The following IL18R1 variants were observed in gnomAD, a reference collection of about 807,000 sequenced individuals.
IL18R1 encodes the protein interleukin-18 receptor 1.
Under a neutral mutation model 48.5 loss-of-function variants are expected in IL18R1, and 40 were observed. The observed-to-expected ratio is 0.82, with a 90% CI of 0.64 to 1.07. The LOEUF (loss-of-function observed/expected upper bound fraction) is 1.07. Among genes scored for constraint, IL18R1 ranks in the 50% least tolerant of loss-of-function variants. The pLI is 0.00. For missense variants in IL18R1, 596 were observed against 633.7 expected (o/e 0.94, Z 0.64); for synonymous variants, 232 against 225.9 (o/e 1.03, Z -0.24).
chr2:102,377,175 A>G (rs1679638499), intron 5 of IL18R1, among the ~76,000 whole-genome samples: 1 of 152,152 alleles, frequency 6.6e-6, no homozygotes, highest in Admixed American at 6.5e-5. Flanking sequence ...CTTCACTACA[A>G]CCATATAGCT....
rs757487327 is a variant in IL18R1, at chr2:102,386,990, G to C, written c.939G>C (p.Leu313Phe). ...GCACAGACACCAAAAGCTTCATCTT[G>C]GTGAGAAAAGGTGAGAAAGATTTAT... The part of the protein sequence containing the change: ...TGGTDTKSFI[L>F]VRKADMADIP... The change falls in exon 8 of 11, where the codon TTG becomes TTC. Residue 313 changes from leucine to phenylalanine, a missense_variant. Around this residue, in one of 3 missense-constraint regions of IL18R1, gnomAD observed 57 missense variants for 88.2 expected, o/e 0.65. Coordinates refer to ENST00000233957, the MANE Select transcript of IL18R1 (RefSeq NM_003855.5). 6.2e-7 allele frequency: 1 copy of C among 1,609,644 alleles called. No individual in the cohort carries two copies. The highest frequency in any genetic ancestry group is 2.2e-5 in the East Asian group (1 of 44,834).
At position 102,356,256 on chromosome 2, in the gene IL18R1, A is replaced by C. The variant is rs1573172805; in HGVS notation, c.-173A>C. 1.4e-6 allele frequency: 1 copy of C among 716,226 alleles called. No homozygotes were observed. The allele number at this position is 716,226 out of a possible 1,614,324, so 44.4% of individuals were successfully genotyped here. A position where few individuals can be genotyped will look rare whatever the true frequency, so the allele number is the denominator to read the frequency against. ...CTCTGGGTGCCTTATCTCTTTAATC[A>C]CACCTCTCTTTCACTTTCCACGGTA... On this transcript the variant is annotated 5_prime_UTR_variant, in exon 1 of 11. Transcript: ENST00000233957.
chr2:102,380,358 C>T (rs941662837), intron 5 of IL18R1, among the ~76,000 whole-genome samples: 6 of 152,158 alleles, frequency 3.9e-5, no homozygotes, highest in Non-Finnish European at 8.8e-5. Context: ...ATGTAAGTTT[C>T]TGGGGGAAAA....
chr2:102,390,255 C>T, intron 9 of IL18R1, 38 bp downstream of exon 9: 1 of 1,563,986 alleles, frequency 6.4e-7, no homozygotes, highest in Non-Finnish European at 8.8e-7. Context: ...ACCTTATGTT[C>T]TCATTAAGAA....
chr2:102,359,563 T>C (rs1331299281), intron 1 of IL18R1, among the ~76,000 whole-genome samples: 1 of 152,228 alleles, frequency 6.6e-6, no homozygotes, highest in Non-Finnish European at 1.5e-5. Flanking sequence ...TGATTAATAT[T>C]TGCCTCATTT....
intron 3 of IL18R1, among the ~76,000 whole-genome samples, chr2:102,368,435 T>A (rs934284033): frequency 2.0e-5 from 3 of 152,142 alleles, no homozygotes; most frequent in Non-Finnish European, 4.4e-5. Flanking sequence ...GTGTTGCGAA[T>A]GGGGCAGTGT....
chr2:102,397,566 C>T lies in IL18R1; in HGVS notation c.*680C>T, dbSNP rs942287312. 4 of 152,370 alleles carry T rather than the reference C, an allele frequency of 2.6e-5. No individual in the cohort carries two copies. Among genetic ancestry groups the T allele is most frequent in the African/African-American group, 9.6e-5 (4 of 41,454 alleles). 9.4% of individuals were successfully genotyped at this position (152,370 alleles called of 1,614,324 possible). ...AAAGGACCCCAGAATAGCTCTTTAT[C>T]TTTCACAAGAGACACAAATTCTAAT... On this transcript the variant is annotated 3_prime_UTR_variant, in exon 11 of 11. Transcript: ENST00000233957.
intron 1 of IL18R1, among the ~76,000 whole-genome samples, 179 bp downstream of exon 1, chr2:102,356,579 G>A (rs1347005124): frequency 6.6e-6 from 1 of 152,226 alleles, no homozygotes; most frequent in Non-Finnish European, 1.5e-5. Context: ...TGAAAGTATA[G>A]TTTTAGAAAT....
chr2:102,379,628 T>C (rs1197880769), intron 5 of IL18R1, among the ~76,000 whole-genome samples: 1 of 152,184 alleles, frequency 6.6e-6, no homozygotes, highest in Non-Finnish European at 1.5e-5. Flanking sequence ...CCTGTCCAGA[T>C]TCTTCTTGGC....
At chr2:102,390,028 T>A in intron 8 of IL18R1, 28 bp from the exon 9 acceptor site, 1 of 1,610,868 alleles carries the variant, frequency 6.2e-7, no homozygotes, top group South Asian at 1.1e-5. Flanking sequence ...TTGATTATTT[T>A]CTTTTCCTTT....
intron 10 of IL18R1, 105 bp downstream of exon 10, chr2:102,394,732 A>G: frequency 2.1e-6 from 2 of 975,100 alleles, no homozygotes; most frequent in East Asian, 2.7e-5. Flanking sequence ...AAACAAATGA[A>G]TAAGGTCCTT....
At position 102,361,903 on chromosome 2, in the gene IL18R1, C is replaced by G. The variant is rs76329910; in HGVS notation, c.-28-730C>G. 6.2e-4 allele frequency among the ~76,000 whole-genome samples: 94 copies of G among 152,312 alleles called. 3 individuals are homozygous for G. In the East Asian group the frequency reaches 9.8e-3, roughly 16 times the overall value. On this transcript the variant is annotated intron_variant, in intron 1 of 10. Transcript: ENST00000233957. Reference sequence around the variant, plus strand: ...AATGCAGATCTTAGTTCCACTGGGACACAGTCAATGTAAAGGAGGGGTCTG... The same window carrying G: ...AATGCAGATCTTAGTTCCACTGGGAGACAGTCAATGTAAAGGAGGGGTCTG...
intron 1 of IL18R1, among the ~76,000 whole-genome samples, chr2:102,359,188 G>C (rs1413241235): frequency 6.6e-6 from 1 of 152,168 alleles, no homozygotes; most frequent in East Asian, 1.9e-4. Flanking sequence ...GAAGTAATTA[G>C]TAGGTATTTG....
At chr2:102,373,549 C>T (rs1252215950) in intron 4 of IL18R1, among the ~76,000 whole-genome samples, 1 of 151,866 alleles carries the variant, frequency 6.6e-6, no homozygotes, top group Non-Finnish European at 1.5e-5. Context: ...CACCATGGCA[C>T]GTGTATACCT....
chr2:102,356,209 T>TC lies in IL18R1; in HGVS notation c.-220_-219insC, dbSNP rs1174312302. 54 of 231,204 alleles carry TC rather than the reference T, an allele frequency of 2.3e-4. No homozygotes were observed. Among genetic ancestry groups the TC allele is most frequent in the South Asian group, 3.0e-4 (2 of 6,604 alleles). 14.3% of individuals were successfully genotyped at this position (231,204 alleles called of 1,614,324 possible). A position where few individuals can be genotyped will look rare whatever the true frequency, so the allele number is the denominator to read the frequency against. On this transcript the variant is annotated 5_prime_UTR_variant, in exon 1 of 11. Transcript: ENST00000233957. Reference sequence around the variant, plus strand: ...TCCTACTTTTTTTCCTTCTTCTTCTTTTTTTTTTTTTTTGTAGCCCTCTCT... The same window carrying TC: ...TCCTACTTTTTTTCCTTCTTCTTCTTCTTTTTTTTTTTTTGTAGCCCTCTCT...
rs1308857853 is a variant in IL18R1, at chr2:102,396,634, T to C, written c.1374T>C (p.Ser458=). ...MSNEVRYELE[S]GLHEALVERK... The stretch of plus-strand genomic sequence containing the variant: ...ATGAGGTCAGGTATGAACTTGAAAG[T>C]GGACTCCATGAAGCATTGGTGGAAA... Residue 458 remains serine (S), a synonymous_variant, in exon 11 of 11, where the codon AGT becomes AGC. Transcript: ENST00000233957. 3 of 1,613,122 alleles carry C rather than the reference T, an allele frequency of 1.9e-6. No homozygotes were observed. The South Asian group carries it at 3.3e-5, about 18-fold the overall frequency.
intron 1 of IL18R1, among the ~76,000 whole-genome samples, chr2:102,360,999 A>G (rs1392588848): frequency 6.6e-6 from 1 of 152,218 alleles, no homozygotes; most frequent in Non-Finnish European, 1.5e-5. Context: ...GTGTGCAAAT[A>G]CCAGCTAATT....
In IL18R1 at chr2:102,395,928, T is replaced by C. The variant is rs542491395; in HGVS notation, c.1271-603T>C. Among the ~76,000 whole-genome samples the C allele has an allele frequency of 2.6e-5, 4 of 152,304 alleles. No individual in the cohort carries two copies. The South Asian group carries it at 8.3e-4, about 32-fold the overall frequency. On this transcript the variant is annotated intron_variant, in intron 10 of 10. Coordinates refer to ENST00000233957, the MANE Select transcript of IL18R1 (RefSeq NM_003855.5). ...TCTGAGCTACAACAACAGAACTGAG[T>C]AGTTGTGACAAAGACAGTGTGACCT... is the stretch of plus-strand genomic sequence containing the variant.
Position 102,368,075 on chromosome 2 carries a change from A to T in IL18R1, c.302+7A>T, listed in dbSNP as rs1679020025. ...CTTACTTTTTCCAAATGAAGTGAGT[A>T]ACCCTTTCTTTTCAAAATGTATTTC... On this transcript the variant is annotated splice_region_variant and intron_variant, in intron 3 of 10. Transcript: ENST00000233957. 1.9e-6 allele frequency: 3 copies of T among 1,613,058 alleles called. No homozygotes were observed. Among genetic ancestry groups the T allele is most frequent in the Non-Finnish European group, 2.5e-6 (3 of 1,179,054 alleles).
Sources: allele counts gnomAD v4.1 joint callset (sites outside exome capture counted in the v4.1 genomes callset), GRCh38; gene constraint gnomAD v4.1.1; regional missense constraint gnomAD v4.1.1; transcripts MANE v1.5; gene names NCBI Gene and HGNC (gene_info 2026-07-23, HGNC 2026-07-21).